TMTC2: variants seen among roughly 807,000 people sequenced by gnomAD.
TMTC2 encodes the protein transmembrane O-mannosyltransferase targeting cadherins 2.
In TMTC2, 43 loss-of-function variants were observed where a neutral mutation model predicts 82.4. The observed-to-expected ratio is 0.52, with a 90% CI of 0.41 to 0.67. The LOEUF is 0.67. TMTC2 is among the 30% of genes least tolerant of loss of function. The pLI, the probability that TMTC2 is intolerant of heterozygous loss-of-function variation, is 0.00. For synonymous variants in TMTC2, 408 were observed against 381.9 expected (o/e 1.07, Z -0.80); for missense variants, 919 against 1,012.4 (o/e 0.91, Z 1.25).
intron 1 of TMTC2, among the ~76,000 whole-genome samples, chr12:82,711,236 C>T (rs1873604868): frequency 6.6e-6 from 1 of 152,192 alleles, no homozygotes; most frequent in Non-Finnish European, 1.5e-5. Flanking sequence ...AAGTCACCGT[C>T]AACTTCCGTT....
At chr12:82,952,155 T>C (rs2137280807) in intron 4 of TMTC2, among the ~76,000 whole-genome samples, 1 of 152,246 alleles carries the variant, frequency 6.6e-6, no homozygotes. Flanking sequence ...ACTTAAAAAT[T>C]TCTGAGTTCA....
chr12:82,836,306 T>G (rs1282567932), intron 1 of TMTC2, among the ~76,000 whole-genome samples: 1 of 151,604 alleles, frequency 6.6e-6, no homozygotes, highest in Admixed American at 6.6e-5. Flanking sequence ...CAAAAGCAAC[T>G]TACAGATATG....
intron 3 of TMTC2, among the ~76,000 whole-genome samples, chr12:82,906,637 C>T (rs967655838): frequency 2.0e-5 from 3 of 152,052 alleles, no homozygotes; most frequent in Non-Finnish European, 2.9e-5. Context: ...TGCAGTGAGC[C>T]GAGATCGTGC....
chr12:82,824,839 A>T (rs1869315582), intron 1 of TMTC2, among the ~76,000 whole-genome samples: 1 of 152,214 alleles, frequency 6.6e-6, no homozygotes, highest in African/African-American at 2.4e-5. Flanking sequence ...CTGTAATCCC[A>T]GCACTTTGGG....
At chr12:82,989,506 G>T in intron 8 of TMTC2, among the ~76,000 whole-genome samples, 1 of 151,028 alleles carries the variant, frequency 6.6e-6, no homozygotes, top group East Asian at 1.9e-4. Context: ...TTGATAAATG[G>T]CCACCTTTAA....
chr12:83,086,309 C>T (rs1883657577), intron 11 of TMTC2, among the ~76,000 whole-genome samples: 1 of 152,194 alleles, frequency 6.6e-6, no homozygotes, highest in South Asian at 2.1e-4. Context: ...GGCAGAGGCA[C>T]TCCTCGTTTC....
chr12:83,094,413 A>C (rs1883953728), intron 11 of TMTC2, among the ~76,000 whole-genome samples: 1 of 152,204 alleles, frequency 6.6e-6, no homozygotes, highest in Non-Finnish European at 1.5e-5. Flanking sequence ...AAATCTTGAG[A>C]TCTATAGTGA....
chr12:82,992,862 G>A (rs1006949364), intron 8 of TMTC2, among the ~76,000 whole-genome samples: 6 of 152,126 alleles, frequency 3.9e-5, no homozygotes, highest in Non-Finnish European at 7.4e-5. Flanking sequence ...TTGCCTGATA[G>A]TCTCAGGAGC....
intron 1 of TMTC2, among the ~76,000 whole-genome samples, chr12:82,711,238 A>G (rs1026040172): frequency 3.3e-5 from 5 of 152,226 alleles, no homozygotes; most frequent in East Asian, 1.9e-4. Context: ...GTCACCGTCA[A>G]CTTCCGTTAA....
At chr12:82,863,396 C>T (rs993885926) in intron 2 of TMTC2, among the ~76,000 whole-genome samples, 2 of 152,092 alleles carry the variant, frequency 1.3e-5, no homozygotes, top group African/African-American at 2.4e-5. Flanking sequence ...TAGGCCCTTA[C>T]GAATGAATTT....
chr12:82,811,757 A>T (rs1440195737), intron 1 of TMTC2, among the ~76,000 whole-genome samples: 1 of 149,284 alleles, frequency 6.7e-6, no homozygotes, highest in Non-Finnish European at 1.5e-5. Flanking sequence ...AAAATTACTT[A>T]GTACATTTTT....
intron 1 of TMTC2, among the ~76,000 whole-genome samples, chr12:82,757,750 T>C (rs1052936188): frequency 1.3e-5 from 2 of 152,220 alleles, no homozygotes; most frequent in Admixed American, 1.3e-4. Flanking sequence ...CACATGCAAA[T>C]GCATTGCAAA....
At chr12:82,782,246 T>C (rs1369607817) in intron 1 of TMTC2, among the ~76,000 whole-genome samples, 1 of 152,078 alleles carries the variant, frequency 6.6e-6, no homozygotes, top group African/African-American at 2.4e-5. Context: ...CAAGAGTGTT[T>C]AAAAAGAGGA....
intron 1 of TMTC2, among the ~76,000 whole-genome samples, chr12:82,802,555 T>C (rs1270681796): frequency 1.3e-5 from 2 of 152,178 alleles, no homozygotes; most frequent in Non-Finnish European, 2.9e-5. Flanking sequence ...GTAAAGACAT[T>C]TGCAGGAATA....
chr12:83,112,118 C>G (rs973977901), intron 11 of TMTC2, among the ~76,000 whole-genome samples: 1 of 152,198 alleles, frequency 6.6e-6, no homozygotes, highest in South Asian at 2.1e-4. Flanking sequence ...AAAAAGACTC[C>G]TTCAGTGAGT....
chr12:82,797,670 G>A lies in TMTC2; in HGVS notation c.84-59340G>A, dbSNP rs979557266. ...TAAATCAATTTTAAAGATAATAGGC[G>A]CTGGTTTATCAAGCTTTGAATTATC... On this transcript the variant is annotated intron_variant, in intron 1 of 11. Transcript: ENST00000321196. Among the ~76,000 whole-genome samples the A allele has an allele frequency of 3.3e-5, 5 of 152,042 alleles. 1 individual carries two copies. Among genetic ancestry groups the A allele is most frequent in the African/African-American group, 4.8e-5 (2 of 41,420 alleles).
intron 8 of TMTC2, among the ~76,000 whole-genome samples, chr12:83,011,456 A>G (rs1038122260): frequency 1.3e-5 from 2 of 152,240 alleles, no homozygotes; most frequent in Non-Finnish European, 2.9e-5. Flanking sequence ...TAAGGACTTG[A>G]TAGTCGTTAA....
rs145590186 is a variant in TMTC2, at chr12:83,054,318, G to A, written c.2267+3300G>A. ...GTAGAAATAGGAACATTATAATGTC[G>A]GGAAAAGATTACTAAGAGATTAATA... On this transcript the variant is annotated intron_variant, in intron 10 of 11. Transcript: ENST00000321196. 1.6e-3 allele frequency among the ~76,000 whole-genome samples: 242 copies of A among 152,048 alleles called. 2 individuals carry two copies. The highest frequency in any genetic ancestry group is 5.6e-3 in the African/African-American group (232 of 41,510).
chr12:83,020,695 G>C (rs924518478), intron 8 of TMTC2, among the ~76,000 whole-genome samples: 1 of 152,092 alleles, frequency 6.6e-6, no homozygotes, highest in South Asian at 2.1e-4. Flanking sequence ...AATTTTCTCA[G>C]GTGGAGTTTA....
Sources: allele counts gnomAD v4.1 joint callset (sites outside exome capture counted in the v4.1 genomes callset), GRCh38; gene constraint gnomAD v4.1.1; transcripts MANE v1.5; gene names NCBI Gene and HGNC (gene_info 2026-07-23, HGNC 2026-07-21).